GLI2: variants seen among roughly 807,000 people sequenced by gnomAD.
The protein encoded by GLI2 is transcription activator GLI2.
In GLI2, 22 loss-of-function variants were observed where a neutral mutation model predicts 78.9. The observed-to-expected ratio is 0.28, with a 90% confidence interval of 0.20 to 0.40. The LOEUF is 0.40. Ranked by LOEUF, GLI2 falls within the 10% of genes least tolerant of loss-of-function variation. The probability of loss-of-function intolerance (pLI) is 1.00; values close to 1 mark genes in which losing one functional copy is unlikely to be tolerated. For synonymous variants in GLI2, 974 were observed against 963.7 expected, an observed-to-expected ratio of 1.01 and a Z score of -0.20; for missense variants, 2,097 against 2,213.2, an observed-to-expected ratio of 0.95 and a Z score of 1.05.
intron 2 of GLI2, among the ~76,000 whole-genome samples, chr2:120,812,413 C>T (rs943651379): frequency 3.9e-5 from 6 of 152,174 alleles, no homozygotes; most frequent in African/African-American, 4.8e-5. Flanking sequence ...TTGTCTTTCA[C>T]GGGGGAATGA....
chr2:120,789,644 C>T (rs1355220472), intron 1 of GLI2, among the ~76,000 whole-genome samples: 2 of 152,264 alleles, frequency 1.3e-5, no homozygotes, highest in Non-Finnish European at 2.9e-5. Context: ...AAGTGCCTGC[C>T]TCACAACTCT....
intron 1 of GLI2, among the ~76,000 whole-genome samples, chr2:120,766,437 T>C (rs1007523486): frequency 3.9e-5 from 6 of 151,944 alleles, no homozygotes; most frequent in African/African-American, 1.4e-4. Flanking sequence ...CTGGAGAGGA[T>C]TGTGGGGGAA....
At chr2:120,926,233 T>G (rs1430078022) in intron 2 of GLI2, among the ~76,000 whole-genome samples, 2 of 151,820 alleles carry the variant, frequency 1.3e-5, no homozygotes, top group Non-Finnish European at 2.9e-5. Flanking sequence ...TTTTTGTTTG[T>G]CTGTTTCTTT....
At chr2:120,974,666 G>T (rs923963393) in intron 8 of GLI2, among the ~76,000 whole-genome samples, 1 of 152,228 alleles carries the variant, frequency 6.6e-6, no homozygotes, top group Non-Finnish European at 1.5e-5. Flanking sequence ...ACAGCACTTC[G>T]ATGAAGACAA....
At chr2:120,882,216 CT>C (rs1333150301) in intron 2 of GLI2, among the ~76,000 whole-genome samples, 1 of 152,078 alleles carries the variant, frequency 6.6e-6, no homozygotes, top group Non-Finnish European at 1.5e-5. Context: ...CCACATCCTC[CT>C]TCCAGGAGGC....
chr2:120,743,906 A>G (rs968271976), intron 1 of GLI2, among the ~76,000 whole-genome samples: 22 of 152,126 alleles, frequency 1.4e-4, no homozygotes, highest in African/African-American at 5.1e-4. Context: ...GGTCTTGGGT[A>G]CCCCCTGGGG....
Position 120,823,324 on chromosome 2 carries a change from G to T in GLI2, c.148+25856G>T, listed in dbSNP as rs1194210880. ...AATCTATAAATTTAGCCATACAGTG[G>T]GGGGAAGGGACTGGAGTTGTGTGTG... On this transcript the variant is annotated intron_variant, in intron 2 of 13. Coordinates refer to ENST00000361492, the MANE Select transcript of GLI2 (RefSeq NM_001374353.1). Among the ~76,000 whole-genome samples, 3 of 152,174 alleles carry T rather than the reference G, an allele frequency of 2.0e-5. No homozygotes were observed. The South Asian group carries it at 6.2e-4, about 32-fold the overall frequency.
At chr2:120,985,593 A>G (rs116677865) in intron 12 of GLI2, among the ~76,000 whole-genome samples, 4,033 of 152,234 alleles carry the variant, frequency 0.026, 94 homozygotes, top group African/African-American at 0.053. Flanking sequence ...AGAAAGCTGG[A>G]ATTTGGGGCC....
Position 120,984,479 on chromosome 2 carries a change from C to T in GLI2, c.1641C>T (p.Tyr547=). The change falls in exon 12 of 14, where the codon TAC becomes TAT. Residue 547 remains tyrosine, a synonymous_variant. Transcript: ENST00000361492. ...CCTGCTTCTCTCCCCAGAAACCCTA[C>T]ATCTGCAAGATCCCAGGCTGCACCA... The part of the protein sequence containing the change: ...QNRTHSNEKP[Y]ICKIPGCTKR... The T allele has an allele frequency of 5.0e-6, 8 of 1,614,212 alleles. No homozygotes were observed. The South Asian group carries it at 8.8e-5, about 18-fold the overall frequency.
chr2:120,837,056 G>C (rs1686644534), intron 2 of GLI2, among the ~76,000 whole-genome samples: 1 of 152,150 alleles, frequency 6.6e-6, no homozygotes, highest in African/African-American at 2.4e-5. Context: ...TTACTGGGTT[G>C]CTGTGTTTTC....
chr2:120,891,138 A>C (rs1677659909), intron 2 of GLI2, among the ~76,000 whole-genome samples: 1 of 152,198 alleles, frequency 6.6e-6, no homozygotes. Flanking sequence ...GGGAGCAGGC[A>C]GTGGCTTGAA....
intron 2 of GLI2, among the ~76,000 whole-genome samples, chr2:120,813,556 T>A (rs2104732180): frequency 6.6e-6 from 1 of 152,356 alleles, no homozygotes; most frequent in South Asian, 2.1e-4. Flanking sequence ...GCTGCGTGAC[T>A]GCCCGGGGCG....
intron 1 of GLI2, among the ~76,000 whole-genome samples, chr2:120,776,480 A>C (rs1683679949): frequency 6.6e-6 from 1 of 151,976 alleles, no homozygotes; most frequent in African/African-American, 2.4e-5. Context: ...TTCCCAGTAG[A>C]CTTCTAGCCC....
intron 5 of GLI2, among the ~76,000 whole-genome samples, chr2:120,965,139 G>A (rs1289967744): frequency 2.0e-5 from 3 of 152,250 alleles, no homozygotes; most frequent in Admixed American, 6.5e-5. Context: ...CAGCCAGGAT[G>A]CAGATGCTGC....
chr2:120,900,240 C>T (rs1678188944), intron 2 of GLI2, among the ~76,000 whole-genome samples: 1 of 152,152 alleles, frequency 6.6e-6, no homozygotes, highest in Admixed American at 6.5e-5. Flanking sequence ...TTTCTTGTTC[C>T]TTCTTTAACA....
intron 2 of GLI2, among the ~76,000 whole-genome samples, chr2:120,880,673 A>G (rs1344973490): frequency 6.6e-6 from 1 of 152,184 alleles, no homozygotes; most frequent in African/African-American, 2.4e-5. Flanking sequence ...AGAAAAAAGC[A>G]GCTATGGGCT....
At chr2:120,838,678 G>C (rs1573458562) in intron 2 of GLI2, among the ~76,000 whole-genome samples, 1 of 152,120 alleles carries the variant, frequency 6.6e-6, no homozygotes, top group Non-Finnish European at 1.5e-5. Flanking sequence ...ACAATATTTT[G>C]GACAATCATG....
rs111459988 is a variant in GLI2 at position 120,933,371 on chromosome 2, G to T, written c.254+5905G>T. 2.3e-3 allele frequency among the ~76,000 whole-genome samples: 344 copies of T among 152,330 alleles called. 1 individual carries two copies. Among genetic ancestry groups the T allele is most frequent in the African/African-American group, 8.0e-3 (333 of 41,566 alleles). ...TGGACTCCTGCTGCAGTGTCTTTGGGCTGTGCAAACCACAAGTGATGGGGA... is the reference window on the plus strand; with the variant it reads ...TGGACTCCTGCTGCAGTGTCTTTGGTCTGTGCAAACCACAAGTGATGGGGA... On this transcript the variant is annotated intron_variant, in intron 3 of 13. Transcript: ENST00000361492.
At chr2:120,926,717 C>G (rs1482826356) in intron 2 of GLI2, among the ~76,000 whole-genome samples, 1 of 152,244 alleles carries the variant, frequency 6.6e-6, no homozygotes, top group Admixed American at 6.5e-5. Context: ...GCTCTGGAAA[C>G]TGACACGCAC....
Sources: allele counts gnomAD v4.1 joint callset (sites outside exome capture counted in the v4.1 genomes callset), GRCh38; gene constraint gnomAD v4.1.1; transcripts MANE v1.5; gene names NCBI Gene and HGNC (gene_info 2026-07-23, HGNC 2026-07-21).